SAMMSON: variants seen among roughly 807,000 people sequenced by gnomAD.
SAMMSON encodes long intergenic non-protein coding RNA 1212.
At chr3:70,292,815 A>C (rs915842053) in intron 7 of SAMMSON, among the ~76,000 whole-genome samples, 2 of 152,004 alleles carry the variant, frequency 1.3e-5, no homozygotes, top group Admixed American at 6.5e-5. Context: ...TTGCAATAAA[A>C]ATTGCAGTTT....
intron 4 of SAMMSON, among the ~76,000 whole-genome samples, chr3:70,134,087 CAAAAAAAAA>C (rs1157606808): frequency 3.3e-5 from 2 of 60,584 alleles, no homozygotes; most frequent in African/African-American, 5.6e-5. Flanking sequence ...ACTGAAAATA[CAAAAAAAAA>C]AAAAAAAAAA....
chr3:70,171,904 C>A (rs780171815), intron 4 of SAMMSON, among the ~76,000 whole-genome samples: 2 of 151,834 alleles, frequency 1.3e-5, no homozygotes, highest in South Asian at 2.1e-4. Context: ...GCTGAAAAAG[C>A]CTCAAGTTGC....
chr3:70,416,321 A>G (rs1701264529), intron 2 of SAMMSON, among the ~76,000 whole-genome samples: 1 of 152,158 alleles, frequency 6.6e-6, no homozygotes. Flanking sequence ...TTTAAACTGT[A>G]TGTGAATTTA....
In SAMMSON at chr3:70,163,392, C is replaced by T. The variant is rs1342624929; in HGVS notation, n.508-85715C>T. ...AGAGAGAGAGTTATCTTTGGTTGCT[C>T]TGGGTATTACAATATGCATCTTAAT... On this transcript the variant is annotated intron_variant and non_coding_transcript_variant, in intron 4 of 9. Coordinates refer to ENST00000642114, the Ensembl canonical transcript of SAMMSON. 6.7e-5 allele frequency among the ~76,000 whole-genome samples: 10 copies of T among 150,174 alleles called. No homozygotes were observed. In the Admixed American group the frequency reaches 6.7e-4, roughly 10 times the overall value.
Position 70,266,599 on chromosome 3 carries a change from T to A in SAMMSON, n.674+16929T>A, listed in dbSNP as rs1037552032. The stretch of plus-strand genomic sequence containing the variant: ...ACCACCACACAAGGGTGAATTTTTT[T>A]ATTTTTAATTTTTTTATTTTTATTT... On this transcript the variant is annotated intron_variant and non_coding_transcript_variant, in intron 6 of 9. Transcript: ENST00000642114. Among the ~76,000 whole-genome samples the A allele has an allele frequency of 5.3e-5, 8 of 151,936 alleles. No individual in the cohort carries two copies. In the East Asian group the frequency reaches 1.4e-3, roughly 26 times the overall value.
At chr3:70,346,227 T>A (rs1420005366) in intron 7 of SAMMSON, among the ~76,000 whole-genome samples, 1 of 152,098 alleles carries the variant, frequency 6.6e-6, no homozygotes, top group African/African-American at 2.4e-5. Context: ...TCCCTAATGA[T>A]AACTGATGTG....
chr3:70,296,797 T>C (rs531540954), intron 7 of SAMMSON, among the ~76,000 whole-genome samples: 1 of 152,272 alleles, frequency 6.6e-6, no homozygotes, highest in East Asian at 1.9e-4. Context: ...CTGCTTTTTC[T>C]ACTCTTCAGC....
intron 7 of SAMMSON, among the ~76,000 whole-genome samples, chr3:70,327,249 G>A (rs189616553): frequency 3.3e-5 from 5 of 152,258 alleles, no homozygotes; most frequent in African/African-American, 4.8e-5. Context: ...AAGAAGAACC[G>A]ATTTGCTTTT....
intron 1 of SAMMSON, among the ~76,000 whole-genome samples, chr3:70,004,024 C>A (rs1291991893): frequency 2.0e-5 from 3 of 150,942 alleles, no homozygotes; most frequent in Non-Finnish European, 4.4e-5. Context: ...TTTTTTCTTT[C>A]TGTTTCTTTT....
intron 6 of SAMMSON, among the ~76,000 whole-genome samples, chr3:70,288,472 C>T (rs1221127133): frequency 2.6e-5 from 4 of 151,198 alleles, no homozygotes; most frequent in Non-Finnish European, 4.4e-5. Flanking sequence ...GAGAACTTTA[C>T]TTCCAAGTAT....
At chr3:70,205,845 C>A (rs1701285604) in intron 4 of SAMMSON, 1 of 152,056 alleles carries the variant, frequency 6.6e-6, no homozygotes, top group Non-Finnish European at 1.5e-5. Context: ...AATGTAGATA[C>A]TGAACACTAC....
intron 6 of SAMMSON, among the ~76,000 whole-genome samples, chr3:70,287,323 T>C (rs1241455456): frequency 6.9e-6 from 1 of 145,470 alleles, no homozygotes; most frequent in Admixed American, 6.8e-5. Flanking sequence ...AATCATGTGG[T>C]TTTTGTCTTT....
At chr3:70,089,538 G>A (rs895171953) in intron 4 of SAMMSON, among the ~76,000 whole-genome samples, 1 of 151,654 alleles carries the variant, frequency 6.6e-6, no homozygotes, top group African/African-American at 2.4e-5. Flanking sequence ...GCAGATGGAC[G>A]GGGGGTGGGG....
At chr3:70,011,581 G>A (rs1181738487) in intron 1 of SAMMSON, among the ~76,000 whole-genome samples, 1 of 151,240 alleles carries the variant, frequency 6.6e-6, no homozygotes, top group Non-Finnish European at 1.5e-5. Flanking sequence ...ATAATTGTAT[G>A]TGAGACTGAA....
At chr3:70,153,735 T>C (rs113412215) in intron 4 of SAMMSON, among the ~76,000 whole-genome samples, 127 of 152,136 alleles carry the variant, frequency 8.3e-4, no homozygotes, top group African/African-American at 2.8e-3. Context: ...ACCGTTTTAA[T>C]CGTACAGTTC....
intron 4 of SAMMSON, among the ~76,000 whole-genome samples, chr3:70,077,630 A>G (rs1016354410): frequency 2.1e-4 from 32 of 152,212 alleles, no homozygotes; most frequent in African/African-American, 7.5e-4. Flanking sequence ...ATATCAGAAT[A>G]TAAAACATTT....
At chr3:70,300,824 A>G (rs1702340489) in intron 7 of SAMMSON, among the ~76,000 whole-genome samples, 1 of 152,084 alleles carries the variant, frequency 6.6e-6, no homozygotes, top group Non-Finnish European at 1.5e-5. Context: ...TACAGAATGT[A>G]GAGGTTTAAA....
chr3:70,050,207 T>G (rs1415948616), intron 3 of SAMMSON, among the ~76,000 whole-genome samples: 1 of 152,122 alleles, frequency 6.6e-6, no homozygotes, highest in Non-Finnish European at 1.5e-5. Flanking sequence ...ATTTAGAAAA[T>G]TCTTTCTACT....
At chr3:70,406,855 T>C (rs911237009) in intron 2 of SAMMSON, among the ~76,000 whole-genome samples, 1 of 152,202 alleles carries the variant, frequency 6.6e-6, no homozygotes, top group African/African-American at 2.4e-5. Context: ...TGATAGGCTA[T>C]GTAACACTGA....
Sources: gnomAD v4.1 joint callset for allele counts (sites outside exome capture counted in the v4.1 genomes callset) on GRCh38, gnomAD v4.1.1 for gene constraint, MANE v1.5 for transcripts, NCBI Gene and HGNC (gene_info 2026-07-23, HGNC 2026-07-21) for gene names.